Variants in RBFOX1 observed in about 807,000 individuals in gnomAD.
RBFOX1 encodes RNA binding fox-1 homolog 1, also known as RNA binding protein fox-1 homolog 1.
Under a neutral mutation model 57.7 loss-of-function variants are expected in RBFOX1, and 8 were observed. That is an observed-to-expected ratio of 0.14 (90% CI 0.08 to 0.25). RBFOX1 has a LOEUF of 0.25. Among genes scored for constraint, RBFOX1 ranks in the 10% least tolerant of loss-of-function variants. RBFOX1 has a pLI of 1.00. For synonymous variants in RBFOX1, 326 were observed against 222.4 expected (o/e 1.47, Z -4.15); for missense variants, 611 against 548.5 (o/e 1.11, Z -1.14).
chr16:6,883,187 A>G (rs910001450), intron 3 of RBFOX1, among the ~76,000 whole-genome samples: 1 of 152,198 alleles, frequency 6.6e-6, no homozygotes, highest in African/African-American at 2.4e-5. Flanking sequence ...TAATGTTCTG[A>G]ACCTAAGCAA....
chr16:5,730,108 T>G (rs1597004437), intron 3 of RBFOX1, among the ~76,000 whole-genome samples: 1 of 152,286 alleles, frequency 6.6e-6, no homozygotes, highest in South Asian at 2.1e-4. Context: ...TACCTGTCAG[T>G]GTGTCTGGGG....
intron 3 of RBFOX1, among the ~76,000 whole-genome samples, chr16:6,662,835 T>G (rs1013363457): frequency 4.6e-5 from 7 of 152,204 alleles, no homozygotes; most frequent in Non-Finnish European, 8.8e-5. Flanking sequence ...TTCTGCTCTT[T>G]CTGTTTACTT....
intron 2 of RBFOX1, among the ~76,000 whole-genome samples, chr16:6,517,449 A>T (rs2096402519): frequency 6.6e-6 from 1 of 152,128 alleles, no homozygotes; most frequent in Non-Finnish European, 1.5e-5. Flanking sequence ...TGGACAGAGA[A>T]ACAGAGAATT....
chr16:5,336,413 A>G (rs2064896483), intron 1 of RBFOX1, among the ~76,000 whole-genome samples: 1 of 152,158 alleles, frequency 6.6e-6, no homozygotes, highest in South Asian at 2.1e-4. Flanking sequence ...TAAAACAGGG[A>G]TGATGCTAGA....
intron 3 of RBFOX1, among the ~76,000 whole-genome samples, chr16:6,787,102 C>G (rs62016110): frequency 0.13 from 19,587 of 152,084 alleles, 1,532 homozygotes; most frequent in Admixed American, 0.23. Context: ...GTACCTTCAC[C>G]GAAATGCAAT....
chr16:7,488,054 G>C (rs959573887), intron 4 of RBFOX1, among the ~76,000 whole-genome samples: 1 of 152,158 alleles, frequency 6.6e-6, no homozygotes, highest in Admixed American at 6.5e-5. Flanking sequence ...GTAATCACTG[G>C]AGGTGATGTT....
chr16:7,068,837 C>T (rs1224777518), intron 4 of RBFOX1, among the ~76,000 whole-genome samples: 1 of 152,236 alleles, frequency 6.6e-6, no homozygotes, highest in African/African-American at 2.4e-5. Flanking sequence ...GGTCCACCTG[C>T]CATGGCCTCC....
Position 6,885,199 on chromosome 16 carries a change from C to A in RBFOX1, c.-15-166858C>A, listed in dbSNP as rs142617170. The stretch of plus-strand genomic sequence containing the variant: ...TAGTAATTCCCAATGACTGAGCCAT[C>A]ACTTCAGAAAACTAGAACTGTGGTT... On this transcript the variant is annotated intron_variant, in intron 3 of 15. Coordinates refer to ENST00000550418, the MANE Select transcript of RBFOX1 (RefSeq NM_018723.4). 2.9e-3 allele frequency among the ~76,000 whole-genome samples: 435 copies of A among 152,260 alleles called. 1 individual carries two copies. The highest frequency in any genetic ancestry group is 0.014 in the Middle Eastern group (4 of 294).
chr16:7,151,179 C>G (rs1458987279), intron 4 of RBFOX1, among the ~76,000 whole-genome samples: 1 of 152,122 alleles, frequency 6.6e-6, no homozygotes, highest in African/African-American at 2.4e-5. Flanking sequence ...TAGAGGCTAC[C>G]TTGGCAAAAA....
chr16:7,603,023 A>G (rs2095120521), intron 9 of RBFOX1, among the ~76,000 whole-genome samples: 1 of 152,246 alleles, frequency 6.6e-6, no homozygotes. Flanking sequence ...AATTCTTGAC[A>G]TAAATTAAAA....
intron 3 of RBFOX1, among the ~76,000 whole-genome samples, chr16:6,980,373 TC>T (rs1167498180): frequency 2.0e-4 from 30 of 152,312 alleles, no homozygotes; most frequent in African/African-American, 6.5e-4. Context: ...TCTTTTGTTT[TC>T]TAATCTTATC....
intron 5 of RBFOX1, among the ~76,000 whole-genome samples, chr16:7,540,339 G>A (rs867734974): frequency 4.6e-5 from 7 of 152,162 alleles, no homozygotes; most frequent in Non-Finnish European, 1.0e-4. Context: ...CACCATGTCG[G>A]CAATGTGGCT....
At chr16:7,341,166 C>G (rs1045881688) in intron 4 of RBFOX1, among the ~76,000 whole-genome samples, 4 of 152,148 alleles carry the variant, frequency 2.6e-5, no homozygotes, top group Non-Finnish European at 5.9e-5. Flanking sequence ...ACACATCCCA[C>G]CAGCTTGCAA....
Position 5,324,620 on chromosome 16 carries a change from C to T in RBFOX1, c.219+84515C>T, listed in dbSNP as rs568459796. Among the ~76,000 whole-genome samples the T allele has an allele frequency of 5.9e-5, 9 of 152,278 alleles. 1 individual carries two copies. The highest frequency in any genetic ancestry group is 1.4e-4 in the African/African-American group (6 of 41,550). On this transcript the variant is annotated intron_variant, in intron 1 of 2. Coordinates refer to the RBFOX1 transcript ENST00000585867. ...GGTCCATATATACCATGAAATGTTA[C>T]GCAGCCATACAAAGAACGAAATCAT...
At chr16:7,319,327 T>A (rs2143005326) in intron 4 of RBFOX1, among the ~76,000 whole-genome samples, 1 of 152,292 alleles carries the variant, frequency 6.6e-6, no homozygotes, top group Middle Eastern at 3.4e-3. Flanking sequence ...ACATGTTGAG[T>A]CCAGACCTAT....
At chr16:5,314,525 G>A (rs763196078) in intron 1 of RBFOX1, among the ~76,000 whole-genome samples, 2 of 152,116 alleles carry the variant, frequency 1.3e-5, no homozygotes, top group Non-Finnish European at 2.9e-5. Flanking sequence ...TTTTGAGACT[G>A]GATCTCACTC....
intron 4 of RBFOX1, among the ~76,000 whole-genome samples, chr16:7,445,020 T>C (rs897971684): frequency 6.6e-6 from 1 of 152,114 alleles, no homozygotes; most frequent in Non-Finnish European, 1.5e-5. Flanking sequence ...TGTTTTTTTT[T>C]TTCTTCTTTT....
Position 6,145,284 on chromosome 16 carries a change from G to A in RBFOX1, c.-127+125292G>A, listed in dbSNP as rs192216271. ...TCCCACTTATAAGTGAGAGCATGCA[G>A]TATTTGGTTTTCTGTTCCTCCATTA... On this transcript the variant is annotated intron_variant, in intron 1 of 15. Coordinates refer to ENST00000550418, the MANE Select transcript of RBFOX1 (RefSeq NM_018723.4). Among the ~76,000 whole-genome samples the A allele has an allele frequency of 2.6e-3, 402 of 152,186 alleles. 7 individuals carry two copies. Among genetic ancestry groups the A allele is most frequent in the Non-Finnish European group, 6.5e-4 (44 of 68,014 alleles).
chr16:7,350,280 G>A (rs902228263), intron 4 of RBFOX1, among the ~76,000 whole-genome samples: 9 of 152,160 alleles, frequency 5.9e-5, no homozygotes, highest in Non-Finnish European at 1.2e-4. Context: ...ATGGGAAAGA[G>A]GTCTAAGGGG....
Sources: gnomAD v4.1 joint callset for allele counts (sites outside exome capture counted in the v4.1 genomes callset) on GRCh38, gnomAD v4.1.1 for gene constraint, MANE v1.5 for transcripts, NCBI Gene and HGNC (gene_info 2026-07-23, HGNC 2026-07-21) for gene names.